Variants in CD68 observed in about 807,000 individuals in gnomAD.
The protein encoded by CD68 is macrosialin.
Under a neutral mutation model 31.3 loss-of-function variants are expected in CD68, and 24 were observed. The ratio of observed to expected loss-of-function variants is 0.77; its 90% CI spans 0.55 to 1.08. The LOEUF (loss-of-function observed/expected upper bound fraction) is 1.08. Ranked by LOEUF, CD68 falls within the 50% of genes least tolerant of loss-of-function variation. CD68 has a pLI of 0.00. For missense variants in CD68, 461 were observed against 442.5 expected (o/e 1.04, Z -0.38); for synonymous variants, 190 against 179.6 (o/e 1.06, Z -0.46).
At position 7,581,510 on chromosome 17, in the gene CD68, G is replaced by T; in HGVS notation, c.1064G>T (p.Ter355LeuextTer52). Reference sequence around the variant, plus strand: ...CGCCCATCCGCCTACCAGGCCCTCTGAGCATTTGCTTCAAACCCCAGGGCA... The same window carrying T: ...CGCCCATCCGCCTACCAGGCCCTCTTAGCATTTGCTTCAAACCCCAGGGCA... ...RRRPSAYQAL[*>L] The change falls in exon 6 of 6, where the codon TGA (stop) becomes TTA (leucine). Residue 355 changes from the stop codon to leucine, a stop_lost. Coordinates refer to ENST00000250092, the MANE Select transcript of CD68 (RefSeq NM_001251.3). 1 of 1,614,018 alleles carries T rather than the reference G, an allele frequency of 6.2e-7. No homozygotes were observed.
At chr17:7,581,258 G>A (rs1239172427) in intron 5 of CD68, 120 bp from the exon 6 acceptor site, 4 of 1,301,908 alleles carry the variant, frequency 3.1e-6, no homozygotes, top group Non-Finnish European at 4.4e-6. Flanking sequence ...TCACTGCTGA[G>A]TCACTGCGGT....
In CD68 at chr17:7,581,881, C is replaced by T. The variant is rs1035668964; in HGVS notation, c.*370C>T. 2.8e-5 allele frequency: 7 copies of T among 251,852 alleles called. No individual in the cohort carries two copies. The highest frequency in any genetic ancestry group is 1.9e-4 in the Admixed American group (4 of 21,454). 15.6% of individuals were successfully genotyped at this position (251,852 alleles called of 1,614,324 possible). A position where few individuals can be genotyped will look rare whatever the true frequency, so the allele number is the denominator to read the frequency against. On this transcript the variant is annotated 3_prime_UTR_variant, in exon 6 of 6. Transcript: ENST00000250092. Reference sequence around the variant, plus strand: ...TGGAGGTTGCAGTGAGCCGTCATCGCGCCACTAAGCCAAGATCGCGCCACT... The same window carrying T: ...TGGAGGTTGCAGTGAGCCGTCATCGTGCCACTAAGCCAAGATCGCGCCACT...
chr17:7,580,041 C>A lies in CD68; in HGVS notation c.281C>A (p.Thr94Lys). Residue 94 changes from threonine (T) to lysine (K), a missense_variant, in exon 2 of 6, where the codon ACA becomes AAA. Transcript: ENST00000250092. The surrounding 1 kb of genome is among the most constrained non-coding windows in gnomAD (Gnocchi z 4.3). ...TSHGNVTVHP[T>K]SNSTATSQGP... ...CATGGAAACGTCACAGTTCATCCAACAAGCAATAGCACTGCCACCAGCCAG... is the reference window on the plus strand; with the variant it reads ...CATGGAAACGTCACAGTTCATCCAAAAAGCAATAGCACTGCCACCAGCCAG... The A allele has an allele frequency of 1.9e-6, 3 of 1,614,076 alleles. No homozygotes were observed. Among genetic ancestry groups the A allele is most frequent in the Non-Finnish European group, 2.5e-6 (3 of 1,179,992 alleles).
At chr17:7,581,216 C>T in intron 5 of CD68, 150 bp downstream of exon 5, 1 of 1,145,140 alleles carries the variant, frequency 8.7e-7, no homozygotes, top group African/African-American at 1.5e-5. Context: ...TCTTTCCATC[C>T]TCTACAAGAC....
At position 7,580,341 on chromosome 17, in the gene CD68, T is replaced by G. The variant is rs746216168; in HGVS notation, c.567+14T>G. On this transcript the variant is annotated intron_variant, in intron 2 of 5. Transcript: ENST00000250092. The surrounding 1 kb of genome is among the most constrained non-coding windows in gnomAD (Gnocchi z 4.3). ...GGTGGAGGAGAGGTAAAGCTAAAACTGGGGGATGAGAGGGGAGGGAGGCAG... is the reference window on the plus strand; with the variant it reads ...GGTGGAGGAGAGGTAAAGCTAAAACGGGGGGATGAGAGGGGAGGGAGGCAG... 3.1e-6 allele frequency: 5 copies of G among 1,602,712 alleles called. No individual in the cohort carries two copies. Among genetic ancestry groups the G allele is most frequent in the Admixed American group, 1.7e-5 (1 of 59,742 alleles).
Position 7,580,331 on chromosome 17 carries a change from A to G in CD68, c.567+4A>G. The G allele has an allele frequency of 6.2e-7, 1 of 1,610,202 alleles. No homozygotes were observed. The highest frequency in any genetic ancestry group is 8.5e-7 in the Non-Finnish European group (1 of 1,177,102). ...CACAACCCAGGGTGGAGGAGAGGTA[A>G]AGCTAAAACTGGGGGATGAGAGGGG... is the stretch of plus-strand genomic sequence containing the variant. On this transcript the variant is annotated splice_donor_region_variant and intron_variant, in intron 2 of 5. Coordinates refer to ENST00000250092, the MANE Select transcript of CD68 (RefSeq NM_001251.3). The surrounding 1 kb of genome is among the most constrained non-coding windows in gnomAD (Gnocchi z 4.3).
In CD68 at chr17:7,579,994, TCA is replaced by T. The variant is rs2071462392; in HGVS notation, c.237_238del (p.His79GlnfsTer18). 2 of 1,608,282 alleles carry T rather than the reference TCA, an allele frequency of 1.2e-6. No homozygotes were observed. The highest frequency in any genetic ancestry group is 1.7e-6 in the Non-Finnish European group (2 of 1,175,728). On this transcript the variant is annotated frameshift_variant, in exon 2 of 6. Coordinates refer to ENST00000250092, the MANE Select transcript of CD68 (RefSeq NM_001251.3). LOFTEE classifies it high-confidence loss of function. ...CCAGCCACGGACCCACGACTGCCACTCACAACCCCACCACCACCAGCCATGGA... is the reference window on the plus strand; with the variant it reads ...CCAGCCACGGACCCACGACTGCCACTCAACCCCACCACCACCAGCCATGGA... Reference protein sequence around the residue: ...TTSHGPTTATHNPTTTSHGNV... With the variant: ...TTSHGPTTATXNPTTTSHGNV...
Position 7,580,941 on chromosome 17 carries a change from C to T in CD68, c.806C>T (p.Ala269Val), listed in dbSNP as rs747966554. 1.9e-6 allele frequency: 3 copies of T among 1,614,096 alleles called. No individual in the cohort carries two copies. In the East Asian group the frequency reaches 6.7e-5, roughly 36 times the overall value. ...AATGCATCCCTTCGAGATCTCCAAG[C>T]ACCCCTGGGGCAGAGCTTCAGTTGC... Reference protein sequence around the residue: ...AQNASLRDLQAPLGQSFSCSN... With the variant: ...AQNASLRDLQVPLGQSFSCSN... The change falls in exon 5 of 6, where the codon GCA (alanine) becomes GTA (valine). Residue 269 changes from alanine to valine, a missense_variant. Transcript: ENST00000250092. The surrounding 1 kb of genome is among the most constrained non-coding windows in gnomAD (Gnocchi z 4.3).
At position 7,580,808 on chromosome 17, in the gene CD68, A is replaced by G. The variant is rs767834898; in HGVS notation, c.760+25A>G. The G allele has an allele frequency of 2.5e-6, 4 of 1,610,752 alleles. No homozygotes were observed. Among genetic ancestry groups the G allele is most frequent in the Non-Finnish European group, 3.4e-6 (4 of 1,177,382 alleles). ...CGTAAGTAACCTCCTTCCCTTTCTC[A>G]TTGCTACCACTAGACGCCAGGGTTC... On this transcript the variant is annotated intron_variant, in intron 4 of 5. Coordinates refer to ENST00000250092, the MANE Select transcript of CD68 (RefSeq NM_001251.3). The surrounding 1 kb of genome is among the most constrained non-coding windows in gnomAD (Gnocchi z 4.3).
chr17:7,579,650 G>C lies in CD68; in HGVS notation c.-28G>C, dbSNP rs2071456072. On this transcript the variant is annotated 5_prime_UTR_variant, in exon 1 of 6. Transcript: ENST00000250092. Reference sequence around the variant, plus strand: ...TTGAGCAACTGGTGCAGACAGCCTAGCTGGACTTTGGGTGAGGCGGTTCAG... The same window carrying C: ...TTGAGCAACTGGTGCAGACAGCCTACCTGGACTTTGGGTGAGGCGGTTCAG... 1 of 1,597,836 alleles carries C rather than the reference G, an allele frequency of 6.3e-7. No individual in the cohort carries two copies. Among genetic ancestry groups the C allele is most frequent in the African/African-American group, 1.3e-5 (1 of 74,552 alleles).
Position 7,581,016 on chromosome 17 carries a change from C to A in CD68, c.881C>A (p.Ser294Tyr). The A allele has an allele frequency of 6.2e-7, 1 of 1,614,056 alleles. No individual in the cohort carries two copies. The highest frequency in any genetic ancestry group is 2.2e-5 in the East Asian group (1 of 44,868). Residue 294 changes from serine to tyrosine, a missense_variant, in exon 5 of 6, where the codon TCC becomes TAC. Physicochemically the swap from Ser to Tyr is moderately radical, Grantham distance 144. Transcript: ENST00000250092. ...LSPAVHLDLL[S>Y]LRLQAAQLPH... ...CCAGCTGTCCACCTCGACCTGCTCT[C>A]CCTGAGGCTCCAGGCTGCTCAGCTG...
rs2071470978 is a variant in CD68 at position 7,580,569 on chromosome 17, G to C, written c.671G>C (p.Ser224Thr). The C allele has an allele frequency of 1.9e-6, 3 of 1,613,900 alleles. No homozygotes were observed. The highest frequency in any genetic ancestry group is 1.3e-5 in the African/African-American group (1 of 74,836). ...CTCTCATTCCCCTATGGACACCTCA[G>C]CTTTGGATTCATGCAGGTATAGCCA... ...LLLSFPYGHL[S>T]FGFMQDLQQK... The change falls in exon 3 of 6, where the codon AGC (serine) becomes ACC (threonine). Residue 224 changes from serine to threonine, a missense_variant. By Grantham distance (58) the Ser-to-Thr change is moderately conservative (BLOSUM62 1). Transcript: ENST00000250092. This position sits in a 1 kb window ranked among gnomAD's most constrained non-coding sequence, Gnocchi z 4.3.
Position 7,581,406 on chromosome 17 carries a change from C to A in CD68, c.960C>A (p.Ile320=). ...TCTCCTGCCCCAGTGACCGGTCCAT[C>A]TTGCTGCCTCTCATCATCGGCCTGA... ...QSFSCPSDRS[I]LLPLIIGLIL... Residue 320 remains isoleucine, a synonymous_variant, in exon 6 of 6, where the codon ATC becomes ATA. Coordinates refer to ENST00000250092, the MANE Select transcript of CD68 (RefSeq NM_001251.3). The A allele has an allele frequency of 6.2e-7, 1 of 1,614,196 alleles. No homozygotes were observed. The highest frequency in any genetic ancestry group is 1.7e-5 in the Admixed American group (1 of 60,024).
At position 7,581,426 on chromosome 17, in the gene CD68, G is replaced by T. The variant is rs2071483606; in HGVS notation, c.980G>T (p.Gly327Val). The change falls in exon 6 of 6, where the codon GGC (glycine) becomes GTC (valine). Residue 327 changes from glycine to valine, a missense_variant. Coordinates refer to ENST00000250092, the MANE Select transcript of CD68 (RefSeq NM_001251.3). ...DRSILLPLII[G>V]LILLGLLALV... is the part of the protein sequence containing the mutation. Reference sequence around the variant, plus strand: ...TCCATCTTGCTGCCTCTCATCATCGGCCTGATCCTTCTTGGCCTCCTCGCC... The same window carrying T: ...TCCATCTTGCTGCCTCTCATCATCGTCCTGATCCTTCTTGGCCTCCTCGCC... 6.2e-7 allele frequency: 1 copy of T among 1,613,926 alleles called. No homozygotes were observed. The highest frequency in any genetic ancestry group is 1.7e-5 in the Admixed American group (1 of 60,000).
rs1223592341 is a variant in CD68, at chr17:7,580,062, G to A, written c.302G>A (p.Ser101Asn). 1.2e-5 allele frequency: 19 copies of A among 1,613,918 alleles called. No individual in the cohort carries two copies. Among genetic ancestry groups the A allele is most frequent in the Non-Finnish European group, 1.5e-5 (18 of 1,179,998 alleles). Reference protein sequence around the residue: ...VHPTSNSTATSQGPSTATHSP... With the variant: ...VHPTSNSTATNQGPSTATHSP... ...CCAACAAGCAATAGCACTGCCACCA[G>A]CCAGGGACCCTCAACTGCCACTCAC... The change falls in exon 2 of 6, where the codon AGC (serine) becomes AAC (asparagine). Residue 101 changes from serine to asparagine, a missense_variant. Coordinates refer to ENST00000250092, the MANE Select transcript of CD68 (RefSeq NM_001251.3). The surrounding 1 kb of genome is among the most constrained non-coding windows in gnomAD (Gnocchi z 4.3).
Position 7,579,856 on chromosome 17 carries a change from G to A in CD68, c.96G>A (p.Leu32=). ...NDCPHKKSAT[L]LPSFTVTPTV... Reference sequence around the variant, plus strand: ...GTCCTCACAAAAAATCAGCTACTTTGCTGCCATCCTTCACGGTGACACCCA... The same window carrying A: ...GTCCTCACAAAAAATCAGCTACTTTACTGCCATCCTTCACGGTGACACCCA... The change falls in exon 2 of 6, where the codon TTG becomes TTA. Residue 32 remains leucine, a synonymous_variant. Transcript: ENST00000250092. 1 of 1,613,968 alleles carries A rather than the reference G, an allele frequency of 6.2e-7. No individual in the cohort carries two copies. The highest frequency in any genetic ancestry group is 8.5e-7 in the Non-Finnish European group (1 of 1,179,966).
At position 7,580,824 on chromosome 17, in the gene CD68, G is replaced by C; in HGVS notation, c.760+41G>C. On this transcript the variant is annotated intron_variant, in intron 4 of 5. Coordinates refer to ENST00000250092, the MANE Select transcript of CD68 (RefSeq NM_001251.3). The surrounding 1 kb of genome is among the most constrained non-coding windows in gnomAD (Gnocchi z 4.3). ...CCCTTTCTCATTGCTACCACTAGAC[G>C]CCAGGGTTCCTGAAAGGACTAAGCT... 6.2e-7 allele frequency: 1 copy of C among 1,613,448 alleles called. No individual in the cohort carries two copies. Among genetic ancestry groups the C allele is most frequent in the South Asian group, 1.1e-5 (1 of 91,066 alleles).
Position 7,580,311 on chromosome 17 carries a change from C to G in CD68, c.551C>G (p.Thr184Ser). The G allele has an allele frequency of 6.2e-7, 1 of 1,613,100 alleles. No homozygotes were observed. Among genetic ancestry groups the G allele is most frequent in the Non-Finnish European group, 8.5e-7 (1 of 1,179,330 alleles). Reference protein sequence around the residue: ...AQIQIRVMYTTQGGGEAWGIS... With the variant: ...AQIQIRVMYTSQGGGEAWGIS... ...ATTCAGATTCGAGTCATGTACACAA[C>G]CCAGGGTGGAGGAGAGGTAAAGCTA... The change falls in exon 2 of 6, where the codon ACC becomes AGC. Residue 184 changes from threonine (T) to serine (S), a missense_variant. Transcript: ENST00000250092. This position sits in a 1 kb window ranked among gnomAD's most constrained non-coding sequence, Gnocchi z 4.3.
Position 7,580,050 on chromosome 17 carries a change from G to A in CD68, c.290G>A (p.Ser97Asn), listed in dbSNP as rs1426848641. The A allele has an allele frequency of 5.6e-6, 9 of 1,613,602 alleles. No individual in the cohort carries two copies. In the Admixed American group the frequency reaches 1.5e-4, roughly 27 times the overall value. ...GTCACAGTTCATCCAACAAGCAATA[G>A]CACTGCCACCAGCCAGGGACCCTCA... ...GNVTVHPTSN[S>N]TATSQGPSTA... Residue 97 changes from serine to asparagine, a missense_variant, in exon 2 of 6, where the codon AGC (serine) becomes AAC (asparagine). Coordinates refer to ENST00000250092, the MANE Select transcript of CD68 (RefSeq NM_001251.3). This position sits in a 1 kb window ranked among gnomAD's most constrained non-coding sequence, Gnocchi z 4.3.
Sources: allele counts gnomAD v4.1 joint callset, GRCh38; gene constraint gnomAD v4.1.1; non-coding constraint Gnocchi (gnomAD v3.1); transcripts MANE v1.5; gene names NCBI Gene and HGNC (gene_info 2026-07-23, HGNC 2026-07-21).